The following ZP1 variants were observed in gnomAD, a reference collection of about 807,000 sequenced individuals.
ZP1 encodes the protein zona pellucida sperm-binding protein 1.
ZP1 carries 58 observed loss-of-function variants against 67.4 expected under a neutral mutation model. That is an observed-to-expected ratio of 0.86 (90% CI 0.70 to 1.07). The LOEUF is 1.07. ZP1 is among the 50% of genes least tolerant of loss of function. ZP1 has a pLI of 0.00. For synonymous variants in ZP1, 333 were observed against 332.7 expected (o/e 1.00, Z -0.01); for missense variants, 759 against 807.3 (o/e 0.94, Z 0.72).
intron 6 of ZP1, among the ~76,000 whole-genome samples, chr11:60,871,555 C>A (rs1855570692): frequency 6.6e-6 from 1 of 152,214 alleles, no homozygotes. Flanking sequence ...GCCTGCAGGG[C>A]TTGGCTAGAA....
intron 6 of ZP1, among the ~76,000 whole-genome samples, chr11:60,872,124 C>T (rs1195364200): frequency 6.6e-6 from 1 of 152,300 alleles, no homozygotes; most frequent in South Asian, 2.1e-4. Flanking sequence ...ATGATACCAG[C>T]GCTTTGGGAG....
chr11:60,875,604 T>G lies in ZP1; in HGVS notation c.1865T>G (p.Val622Gly). 1 of 1,614,210 alleles carries G rather than the reference T, an allele frequency of 6.2e-7. No individual in the cohort carries two copies. Among genetic ancestry groups the G allele is most frequent in the African/African-American group, 1.3e-5 (1 of 75,056 alleles). ...VALVLGFGVF[V>G]GLSQTWAQKL... ...CTGGTCCTTGGGTTTGGTGTCTTTGTGGGCCTGAGCCAGACCTGGGCCCAG... is the reference window on the plus strand; with the variant it reads ...CTGGTCCTTGGGTTTGGTGTCTTTGGGGGCCTGAGCCAGACCTGGGCCCAG... Residue 622 changes from valine (V) to glycine (G), a missense_variant, in exon 12 of 12, where the codon GTG becomes GGG. Physicochemically the swap from Val to Gly is moderately radical, Grantham distance 109. Transcript: ENST00000278853.
Position 60,871,103 on chromosome 11 carries a change from G to GTCT in ZP1, c.977_979dup (p.Phe326dup), listed in dbSNP as rs1855558734. The GTCT allele has an allele frequency of 6.2e-7, 1 of 1,614,038 alleles. No individual in the cohort carries two copies. Among genetic ancestry groups the GTCT allele is most frequent in the Non-Finnish European group, 8.5e-7 (1 of 1,180,014 alleles). ...AACACAGCACACGGAAGCTTTCGTG[G>GTCT]TCTTCTACTTCCCTCTCACCCACTG... On this transcript the variant is annotated inframe_insertion, in exon 5 of 12. Coordinates refer to ENST00000278853, the MANE Select transcript of ZP1 (RefSeq NM_207341.4).
At chr11:60,873,897 T>C (rs1855645333) in intron 9 of ZP1, 122 bp downstream of exon 9, 2 of 1,337,082 alleles carry the variant, frequency 1.5e-6, no homozygotes, top group Non-Finnish European at 2.0e-6. Flanking sequence ...GCTTGGCGTC[T>C]ACCAGGTGTC....
In ZP1 at chr11:60,870,973, C is replaced by G. The variant is rs1480642368; in HGVS notation, c.843C>G (p.Phe281Leu). 1.9e-6 allele frequency: 3 copies of G among 1,613,940 alleles called. No individual in the cohort carries two copies. The highest frequency in any genetic ancestry group is 2.5e-6 in the Non-Finnish European group (3 of 1,179,856). Residue 281 changes from phenylalanine (F) to leucine (L), a missense_variant, in exon 5 of 12, where the codon TTC (phenylalanine) becomes TTG (leucine). By Grantham distance (22) the Phe-to-Leu change is conservative. Transcript: ENST00000278853. ...YYGNTATVQC[F>L]RDGYFVLVVS... ...TTGTCCCAGCTACTGTCCAGTGCTTCAGAGATGGCTACTTCGTCCTCGTGG... is the reference window on the plus strand; with the variant it reads ...TTGTCCCAGCTACTGTCCAGTGCTTGAGAGATGGCTACTTCGTCCTCGTGG...
chr11:60,868,887 C>T (rs920712093), intron 1 of ZP1, among the ~76,000 whole-genome samples: 2 of 152,238 alleles, frequency 1.3e-5, no homozygotes, highest in East Asian at 1.9e-4. Context: ...ACCTCATCTT[C>T]GTGCCTGCCT....
Position 60,873,187 on chromosome 11 carries a change from G to T in ZP1, c.1138G>T (p.Ala380Ser). The T allele has an allele frequency of 6.2e-7, 1 of 1,602,438 alleles. No homozygotes were observed. The highest frequency in any genetic ancestry group is 8.5e-7 in the Non-Finnish European group (1 of 1,173,818). Residue 380 changes from alanine to serine, a missense_variant, in exon 7 of 12, where the codon GCC (alanine) becomes TCC (serine). Ala to Ser is a moderately conservative substitution (Grantham distance 99). Coordinates refer to ENST00000278853, the MANE Select transcript of ZP1 (RefSeq NM_207341.4). ...GCTTCATGTGCGCTGTGTCTTCAAC[G>T]CCAGTGACTTCCTGCCCATTCAGGC... The part of the protein sequence containing the change: ...FQLHVRCVFN[A>S]SDFLPIQASI...
chr11:60,869,635 C>A lies in ZP1; in HGVS notation c.417C>A (p.Asp139Glu), dbSNP rs1249727533. ...QDATLICPKP[D>E]PSRTLDSQLA... Reference sequence around the variant, plus strand: ...CTACTCTGATCTGTCCCAAACCTGACCCCTCCCGGACTCTGGACTCCCAGC... The same window carrying A: ...CTACTCTGATCTGTCCCAAACCTGAACCCTCCCGGACTCTGGACTCCCAGC... The change falls in exon 3 of 12, where the codon GAC (aspartate) becomes GAA (glutamate). Residue 139 changes from aspartate to glutamate, a missense_variant. Asp to Glu is a conservative substitution (Grantham distance 45). Transcript: ENST00000278853. 2 of 1,614,072 alleles carry A rather than the reference C, an allele frequency of 1.2e-6. No individual in the cohort carries two copies. The highest frequency in any genetic ancestry group is 1.7e-6 in the Non-Finnish European group (2 of 1,180,042).
rs752426639 is a variant in ZP1 at position 60,869,625 on chromosome 11, C to T, written c.407C>T (p.Pro136Leu). 1.2e-6 allele frequency: 2 copies of T among 1,614,142 alleles called. No individual in the cohort carries two copies. Among genetic ancestry groups the T allele is most frequent in the South Asian group, 2.2e-5 (2 of 91,080 alleles). The change falls in exon 3 of 12, where the codon CCC becomes CTC. Residue 136 changes from proline to leucine, a missense_variant. By Grantham distance (98) the Pro-to-Leu change is moderately conservative. Coordinates refer to ENST00000278853, the MANE Select transcript of ZP1 (RefSeq NM_207341.4). ...GCACAAGACGCTACTCTGATCTGTC[C>T]CAAACCTGACCCCTCCCGGACTCTG... is the stretch of plus-strand genomic sequence containing the variant. ...DVAQDATLIC[P>L]KPDPSRTLDS...
Position 60,869,648 on chromosome 11 carries a change from CTG to C in ZP1, c.431_432del (p.Leu144ArgfsTer119), listed in dbSNP as rs1332429179. 8 of 1,614,094 alleles carry C rather than the reference CTG, an allele frequency of 5.0e-6. No homozygotes were observed. The highest frequency in any genetic ancestry group is 6.8e-6 in the Non-Finnish European group (8 of 1,180,056). The part of the protein sequence containing the change: ...ICPKPDPSRT[L>X]DSQLAPPAMF... ...TCCCAAACCTGACCCCTCCCGGACT[CTG>C]GACTCCCAGCTGGCACCACCCGCCA... On this transcript the variant is annotated frameshift_variant, in exon 3 of 12. Transcript: ENST00000278853. LOFTEE classifies it high-confidence loss of function.
intron 11 of ZP1, 108 bp downstream of exon 11, chr11:60,875,356 G>A (rs780479511): frequency 4.6e-4 from 703 of 1,516,492 alleles, no homozygotes; most frequent in Non-Finnish European, 5.8e-4. Context: ...AAGAGATGGT[G>A]TCACTGCAGT....
At chr11:60,873,352 C>G (rs113810258) in intron 7 of ZP1, 23 bp from the exon 8 acceptor site, 1 of 1,594,424 alleles carries the variant, frequency 6.3e-7, no homozygotes, top group African/African-American at 1.3e-5. Context: ...CCCGCCCTGG[C>G]TCATGAGTCA....
At position 60,871,090 on chromosome 11, in the gene ZP1, G is replaced by A. The variant is rs75065070; in HGVS notation, c.960G>A (p.Thr320=). Residue 320 remains threonine (T), a synonymous_variant, in exon 5 of 12, where the codon ACG becomes ACA. Transcript: ENST00000278853. ...CCAGCTGCTCCCCAACACAGCACAC[G>A]GAAGCTTTCGTGGTCTTCTACTTCC... ...APTSCSPTQH[T]EAFVVFYFPL... is the part of the protein sequence containing the mutation. 186 of 1,614,180 alleles carry A rather than the reference G, an allele frequency of 1.2e-4. No homozygotes were observed. The African/African-American group carries it at 2.1e-3, about 18-fold the overall frequency.
chr11:60,871,326 C>G lies in ZP1; in HGVS notation c.1112+12C>G. 1 of 1,612,998 alleles carries G rather than the reference C, an allele frequency of 6.2e-7. No individual in the cohort carries two copies. Among genetic ancestry groups the G allele is most frequent in the Non-Finnish European group, 8.5e-7 (1 of 1,179,886 alleles). On this transcript the variant is annotated intron_variant, in intron 6 of 11. Coordinates refer to ENST00000278853, the MANE Select transcript of ZP1 (RefSeq NM_207341.4). The stretch of plus-strand genomic sequence containing the variant: ...GACAGCACCTTCCAGTAAGGGCAGC[C>G]CTCCTCCTACAGGCGTGGCTGTGTG...
At position 60,875,025 on chromosome 11, in the gene ZP1, G is replaced by A. The variant is rs938243605; in HGVS notation, c.1654+11G>A. 5 of 1,614,244 alleles carry A rather than the reference G, an allele frequency of 3.1e-6. No homozygotes were observed. Among genetic ancestry groups the A allele is most frequent in the Middle Eastern group, 1.6e-4 (1 of 6,062 alleles). ...GCACTGGCACTACAAGTGAGTCTGG[G>A]TTGCGAGTGGTATTTGTTCCTTTAT... On this transcript the variant is annotated intron_variant, in intron 10 of 11. Transcript: ENST00000278853.
In ZP1 at chr11:60,871,044, T is replaced by A; in HGVS notation, c.914T>A (p.Ile305Asn). Reference sequence around the variant, plus strand: ...ACACACAGGATCACACTGGCCAACATCCACCTGGCCTATGCCCCCACCAGC... The same window carrying A: ...ACACACAGGATCACACTGGCCAACAACCACCTGGCCTATGCCCCCACCAGC... ...ALTHRITLANIHLAYAPTSCS... is the reference protein window; with the variant it reads ...ALTHRITLANNHLAYAPTSCS... Residue 305 changes from isoleucine (I) to asparagine (N), a missense_variant, in exon 5 of 12, where the codon ATC becomes AAC. Physicochemically the swap from Ile to Asn is moderately radical, Grantham distance 149 (BLOSUM62 -3). Transcript: ENST00000278853. 6.2e-7 allele frequency: 1 copy of A among 1,614,204 alleles called. No homozygotes were observed. The highest frequency in any genetic ancestry group is 8.5e-7 in the Non-Finnish European group (1 of 1,180,040).
At chr11:60,868,188 A>G (rs932179607) in intron 1 of ZP1, among the ~76,000 whole-genome samples, 1 of 152,116 alleles carries the variant, frequency 6.6e-6, no homozygotes, top group East Asian at 1.9e-4. Flanking sequence ...CTGGGACTAC[A>G]GGTGTGTGCC....
rs558488241 is a variant in ZP1, at chr11:60,869,608, C to T, written c.390C>T (p.Asp130=). The part of the protein sequence containing the change: ...LPNGRVDVAQ[D]ATLICPKPDP... ...ATGGTCGTGTGGATGTGGCACAAGACGCTACTCTGATCTGTCCCAAACCTG... is the reference window on the plus strand; with the variant it reads ...ATGGTCGTGTGGATGTGGCACAAGATGCTACTCTGATCTGTCCCAAACCTG... Residue 130 remains aspartate (D), a synonymous_variant, in exon 3 of 12, where the codon GAC becomes GAT. Coordinates refer to ENST00000278853, the MANE Select transcript of ZP1 (RefSeq NM_207341.4). The T allele has an allele frequency of 9.3e-6, 15 of 1,614,040 alleles. No individual in the cohort carries two copies. Among genetic ancestry groups the T allele is most frequent in the Middle Eastern group, 1.6e-4 (1 of 6,062 alleles).
chr11:60,873,112 A>G, intron 6 of ZP1, 50 bp from the exon 7 acceptor site: 7 of 1,514,014 alleles, frequency 4.6e-6, no homozygotes, highest in Non-Finnish European at 6.2e-6. Flanking sequence ...CGTAAACAGG[A>G]TGCTCTGATT....
Sources: gnomAD v4.1 joint callset for allele counts (sites outside exome capture counted in the v4.1 genomes callset) on GRCh38, gnomAD v4.1.1 for gene constraint, MANE v1.5 for transcripts, NCBI Gene and HGNC (gene_info 2026-07-23, HGNC 2026-07-21) for gene names.